MSRA: variants seen among roughly 807,000 people sequenced by gnomAD.
MSRA encodes mitochondrial peptide methionine sulfoxide reductase.
Under a neutral mutation model 31.3 loss-of-function variants are expected in MSRA, and 54 were observed. The observed-to-expected ratio is 1.73, with a 90% CI of 1.39 to 2.17. MSRA has a LOEUF of 2.17. MSRA is among the 30% of genes most tolerant of loss of function. The probability of loss-of-function intolerance (pLI) is 0.00; values close to 1 mark genes in which losing one functional copy is unlikely to be tolerated. For synonymous variants in MSRA, 169 were observed against 116.5 expected, an observed-to-expected ratio of 1.45 and a Z score of -2.90; for missense variants, 507 against 300.9, an observed-to-expected ratio of 1.69 and a Z score of -5.07.
intron 2 of MSRA, among the ~76,000 whole-genome samples, chr8:10,218,350 T>G (rs1391137743): frequency 6.6e-6 from 1 of 151,912 alleles, no homozygotes; most frequent in Non-Finnish European, 1.5e-5. Flanking sequence ...TTCACCATGT[T>G]GCCAGGCTGG....
intron 1 of MSRA, chr8:10,059,158 C>T (rs1292350242): frequency 6.6e-6 from 1 of 152,126 alleles, no homozygotes; most frequent in Non-Finnish European, 1.5e-5. Flanking sequence ...ATTGGGACAA[C>T]TGGGTAGCCA....
chr8:10,142,498 G>A (rs150966267), intron 1 of MSRA, among the ~76,000 whole-genome samples: 20 of 152,262 alleles, frequency 1.3e-4, no homozygotes, highest in Non-Finnish European at 2.1e-4. Context: ...CAATCTCTAG[G>A]GAAATGTGGT....
chr8:10,211,862 C>G (rs969693359), intron 2 of MSRA, among the ~76,000 whole-genome samples: 3 of 152,076 alleles, frequency 2.0e-5, no homozygotes. Flanking sequence ...AGTGCTTGTT[C>G]TCAGCACAGA....
intron 1 of MSRA, among the ~76,000 whole-genome samples, chr8:10,134,660 G>A (rs1802141299): frequency 6.6e-6 from 1 of 152,240 alleles, no homozygotes; most frequent in Admixed American, 6.5e-5. Flanking sequence ...CCTCGTATCA[G>A]AACTCGGAAG....
At position 10,101,578 on chromosome 8, in the gene MSRA, G is replaced by C. The variant is rs376319048; in HGVS notation, c.142+46920G>C. Among the ~76,000 whole-genome samples, 47 of 152,184 alleles carry C rather than the reference G, an allele frequency of 3.1e-4. 1 individual carries two copies. The highest frequency in any genetic ancestry group is 1.1e-3 in the African/African-American group (47 of 41,538). ...ACAGAATCGTGGCAACCTTGATTCT[G>C]TTTTCTGTCTCTATGAATTTGACTA... On this transcript the variant is annotated intron_variant, in intron 1 of 5. Coordinates refer to ENST00000317173, the MANE Select transcript of MSRA (RefSeq NM_012331.5).
At chr8:10,221,888 T>G (rs1810535479) in intron 2 of MSRA, among the ~76,000 whole-genome samples, 1 of 152,102 alleles carries the variant, frequency 6.6e-6, no homozygotes, top group Admixed American at 6.6e-5. Flanking sequence ...ACAAAGGCCC[T>G]GAGGCAGGAG....
At chr8:10,069,935 C>G (rs936601933) in intron 1 of MSRA, among the ~76,000 whole-genome samples, 1 of 152,082 alleles carries the variant, frequency 6.6e-6, no homozygotes, top group Non-Finnish European at 1.5e-5. Context: ...AAAACCACAC[C>G]CTCTTTAACG....
intron 1 of MSRA, among the ~76,000 whole-genome samples, chr8:10,071,079 A>G (rs957363681): frequency 1.3e-5 from 2 of 152,206 alleles, no homozygotes; most frequent in Non-Finnish European, 2.9e-5. Context: ...AGAAACTGCC[A>G]AACTGTTTCC....
At chr8:10,237,029 C>T (rs144388738) in intron 2 of MSRA, among the ~76,000 whole-genome samples, 20 of 152,254 alleles carry the variant, frequency 1.3e-4, no homozygotes, top group East Asian at 9.6e-4. Flanking sequence ...ACACTCACTG[C>T]GGGATTTTAT....
At chr8:10,229,339 A>C (rs1811265887) in intron 2 of MSRA, among the ~76,000 whole-genome samples, 1 of 152,214 alleles carries the variant, frequency 6.6e-6, no homozygotes, top group Admixed American at 6.5e-5. Flanking sequence ...GAGTTGGGTG[A>C]TAACCAAAGA....
At chr8:10,086,218 A>G (rs558386066) in intron 1 of MSRA, among the ~76,000 whole-genome samples, 26 of 152,226 alleles carry the variant, frequency 1.7e-4, no homozygotes, top group Non-Finnish European at 1.5e-5. Flanking sequence ...CTTTATCCTA[A>G]TAGCCTTTCT....
intron 3 of MSRA, among the ~76,000 whole-genome samples, chr8:10,262,457 A>G (rs1195213223): frequency 6.6e-6 from 1 of 151,314 alleles, no homozygotes; most frequent in Non-Finnish European, 1.5e-5. Context: ...TTTAATTTGC[A>G]ATTCTTTAAT....
Position 10,352,173 on chromosome 8 carries a change from G to T in MSRA, c.543+32184G>T, listed in dbSNP as rs1804192443. Among the ~76,000 whole-genome samples the T allele has an allele frequency of 2.6e-5, 4 of 152,342 alleles. No individual in the cohort carries two copies. The South Asian group carries it at 8.3e-4, about 32-fold the overall frequency. On this transcript the variant is annotated intron_variant, in intron 5 of 5. Coordinates refer to ENST00000317173, the MANE Select transcript of MSRA (RefSeq NM_012331.5). ...AGCAGGGGAACACGTCGTGAACAGA[G>T]TTGTGTCATAGCTGGACGAGAAGGA...
rs1039288744 is a variant in MSRA, at chr8:10,261,144, A to G, written c.331+15921A>G. Among the ~76,000 whole-genome samples the G allele has an allele frequency of 2.0e-5, 3 of 152,188 alleles. No homozygotes were observed. The East Asian group carries it at 5.8e-4, about 29-fold the overall frequency. On this transcript the variant is annotated intron_variant, in intron 3 of 5. Transcript: ENST00000317173. Reference sequence around the variant, plus strand: ...AATAGTGTACCCAAAAAAAAACTATAGTCTGCTGTGATGGTATTGATTACC... The same window carrying G: ...AATAGTGTACCCAAAAAAAAACTATGGTCTGCTGTGATGGTATTGATTACC...
intron 1 of MSRA, chr8:10,095,781 A>G: frequency 8.4e-7 from 1 of 1,186,692 alleles, no homozygotes. Flanking sequence ...TGGTACATAC[A>G]ATGACGTTTA....
intron 1 of MSRA, among the ~76,000 whole-genome samples, chr8:10,073,328 A>C (rs1232589693): frequency 6.6e-6 from 1 of 152,104 alleles, no homozygotes; most frequent in Non-Finnish European, 1.5e-5. Flanking sequence ...TATCAGGAAA[A>C]GGGTCTTCTA....
intron 1 of MSRA, among the ~76,000 whole-genome samples, chr8:10,154,166 G>A (rs1213192854): frequency 3.3e-5 from 5 of 152,188 alleles, no homozygotes; most frequent in African/African-American, 1.2e-4. Context: ...CTTGTTGAGG[G>A]ATGGGAATTT....
At chr8:10,092,502 A>G (rs577798809) in intron 1 of MSRA, among the ~76,000 whole-genome samples, 3 of 152,202 alleles carry the variant, frequency 2.0e-5, no homozygotes, top group East Asian at 1.9e-4. Flanking sequence ...TACTAAAAAT[A>G]TAAAAGTTAG....
In MSRA at chr8:10,056,507, G is replaced by A. The variant is rs1026107845; in HGVS notation, c.142+1849G>A. 2.7e-5 allele frequency among the ~76,000 whole-genome samples: 4 copies of A among 145,820 alleles called. No homozygotes were observed. In the Admixed American group the frequency reaches 2.8e-4, roughly 10 times the overall value. On this transcript the variant is annotated intron_variant, in intron 1 of 5. Coordinates refer to ENST00000317173, the MANE Select transcript of MSRA (RefSeq NM_012331.5). ...GTTTTTGGTACACCAACACATCTCT[G>A]TATCTGGGCCAGTAAACTTTTTTTT...
Sources: allele counts gnomAD v4.1 joint callset (sites outside exome capture counted in the v4.1 genomes callset), GRCh38; gene constraint gnomAD v4.1.1; transcripts MANE v1.5; gene names NCBI Gene and HGNC (gene_info 2026-07-23, HGNC 2026-07-21).